The following IPO7 variants were observed in gnomAD, a reference collection of about 807,000 sequenced individuals.
IPO7 encodes the protein importin 7.
Under a neutral mutation model 136.4 loss-of-function variants are expected in IPO7, and 13 were observed. That is an observed-to-expected ratio of 0.10 (90% CI 0.06 to 0.15). The LOEUF is 0.15. IPO7 is among the 10% of genes least tolerant of loss of function. The probability of loss-of-function intolerance (pLI) is 1.00; values close to 1 mark genes in which losing one functional copy is unlikely to be tolerated. For synonymous variants in IPO7, 403 were observed against 404.4 expected, an observed-to-expected ratio of 1.00 and a Z score of 0.04; for missense variants, 857 against 1,240.6, an observed-to-expected ratio of 0.69 and a Z score of 4.65.
At chr11:9,427,321 C>T (rs1040752980) in intron 12 of IPO7, among the ~76,000 whole-genome samples, 1 of 151,986 alleles carries the variant, frequency 6.6e-6, no homozygotes, top group African/African-American at 2.4e-5. Context: ...AGTGCAGTGG[C>T]GTGATCTCTG....
rs1855052573 is a variant in IPO7 at position 9,417,125 on chromosome 11, G to C, written c.703G>C (p.Val235Leu). 1 of 1,529,966 alleles carries C rather than the reference G, an allele frequency of 6.5e-7. No individual in the cohort carries two copies. Among genetic ancestry groups the C allele is most frequent in the Non-Finnish European group, 9.0e-7 (1 of 1,105,542 alleles). 94.8% of individuals were successfully genotyped at this position (1,529,966 alleles called of 1,614,324 possible). A position where few individuals can be genotyped will look rare whatever the true frequency, so the allele number is the denominator to read the frequency against. ...AGAATGGATAGAAATTTTAAAGACTGTTGTGAACAGGGATGTACCTAATGT... is the reference window on the plus strand; with the variant it reads ...AGAATGGATAGAAATTTTAAAGACTCTTGTGAACAGGGATGTACCTAATGT... ...LTEWIEILKT[V>L]VNRDVPNETL... Residue 235 changes from valine to leucine, a missense_variant, in exon 6 of 25, where the codon GTT becomes CTT. Coordinates refer to ENST00000379719, the MANE Select transcript of IPO7 (RefSeq NM_006391.3).
chr11:9,440,240 A>G (rs990776244), intron 22 of IPO7, among the ~76,000 whole-genome samples: 1 of 152,208 alleles, frequency 6.6e-6, no homozygotes, highest in African/African-American at 2.4e-5. Flanking sequence ...GATGTCTAGT[A>G]TTAAGAACAC....
At chr11:9,428,974 A>G (rs756490116) in intron 13 of IPO7, 57 bp from the exon 14 acceptor site, 4 of 1,454,802 alleles carry the variant, frequency 2.7e-6, no homozygotes, top group Non-Finnish European at 3.9e-6. Flanking sequence ...AATAGAGATT[A>G]GCTTGGGGGA....
chr11:9,417,625 G>C (rs1400067291), intron 6 of IPO7, among the ~76,000 whole-genome samples: 2 of 151,574 alleles, frequency 1.3e-5, no homozygotes, highest in African/African-American at 4.8e-5. Context: ...GTAGTTTTTA[G>C]TACATTCAGA....
chr11:9,408,648 T>C lies in IPO7; in HGVS notation c.320+9T>C. ...TCTCCTGAGCTCATCAGGTATGTATTTTTAAAATTTACCCATTTCTGCAGG... is the reference window on the plus strand; with the variant it reads ...TCTCCTGAGCTCATCAGGTATGTATCTTTAAAATTTACCCATTTCTGCAGG... On this transcript the variant is annotated intron_variant, in intron 3 of 24. Transcript: ENST00000379719. The C allele has an allele frequency of 6.5e-7, 1 of 1,539,782 alleles. No homozygotes were observed. The highest frequency in any genetic ancestry group is 1.2e-5 in the South Asian group (1 of 80,098).
intron 1 of IPO7, among the ~76,000 whole-genome samples, chr11:9,394,035 A>G (rs1854675195): frequency 1.3e-5 from 2 of 151,958 alleles, no homozygotes; most frequent in African/African-American, 4.8e-5. Context: ...AGCGTGCGCC[A>G]CCACGCCCAG....
chr11:9,395,535 G>A (rs528747569), intron 1 of IPO7, among the ~76,000 whole-genome samples: 4 of 151,944 alleles, frequency 2.6e-5, no homozygotes, highest in South Asian at 2.1e-4. Flanking sequence ...CACCGCCCCC[G>A]GCCCTCACTT....
chr11:9,436,375 A>G lies in IPO7; in HGVS notation c.2268+9A>G, dbSNP rs368184956. ...GGCGTGGCATTGACCAGGTCAGTGA[A>G]GCTAATAATGATTTGTAGTTCAGAG... On this transcript the variant is annotated intron_variant, in intron 20 of 24. Coordinates refer to ENST00000379719, the MANE Select transcript of IPO7 (RefSeq NM_006391.3). 1.1e-5 allele frequency: 17 copies of G among 1,584,504 alleles called. No homozygotes were observed. In the African/African-American group the frequency reaches 2.2e-4, roughly 20 times the overall value.
At chr11:9,419,983 A>C (rs1855103903) in intron 6 of IPO7, among the ~76,000 whole-genome samples, 1 of 152,142 alleles carries the variant, frequency 6.6e-6, no homozygotes, top group Non-Finnish European at 1.5e-5. Context: ...TGCCTCTTTG[A>C]TTTAAATAGG....
At chr11:9,434,084 C>T (rs1052443235) in intron 18 of IPO7, among the ~76,000 whole-genome samples, 7 of 151,918 alleles carry the variant, frequency 4.6e-5, no homozygotes, top group Non-Finnish European at 5.9e-5. Flanking sequence ...CCACCATGCC[C>T]GGCTAATTTT....
At chr11:9,396,639 G>A (rs1442781900) in intron 1 of IPO7, among the ~76,000 whole-genome samples, 1 of 152,078 alleles carries the variant, frequency 6.6e-6, no homozygotes, top group Non-Finnish European at 1.5e-5. Flanking sequence ...GTAGATTTGT[G>A]TATTCCAGAC....
chr11:9,409,448 C>G (rs1272910778), intron 3 of IPO7, among the ~76,000 whole-genome samples: 2 of 151,998 alleles, frequency 1.3e-5, no homozygotes, highest in South Asian at 2.1e-4. Context: ...TTCACATTGA[C>G]GAAACCAAAA....
At position 9,384,780 on chromosome 11, in the gene IPO7, T is replaced by G. The variant is rs1258970099; in HGVS notation, c.17T>G (p.Ile6Ser). 6.2e-7 allele frequency: 1 copy of G among 1,606,048 alleles called. No homozygotes were observed. ...CGCGCTGCGATGGACCCCAACACCATTATCGAGGCCCTGCGGGGCACTATG... is the reference window on the plus strand; with the variant it reads ...CGCGCTGCGATGGACCCCAACACCAGTATCGAGGCCCTGCGGGGCACTATG... MDPNT[I>S]IEALRGTMDP... Residue 6 changes from isoleucine to serine, a missense_variant, in exon 1 of 25, where the codon ATT becomes AGT. Transcript: ENST00000379719.
intron 1 of IPO7, 66 bp downstream of exon 1, chr11:9,384,913 C>T: frequency 2.3e-6 from 3 of 1,305,810 alleles, no homozygotes; most frequent in Non-Finnish European, 2.1e-6. Flanking sequence ...GCCGAGCCCC[C>T]GGGGCCTGGC....
chr11:9,397,341 A>AAAAAAAAAAAAAAAAAAATATATAT lies in IPO7; in HGVS notation c.85-5948_85-5947insAAAAAAAAAAAAAAAAATATATATA. On this transcript the variant is annotated intron_variant, in intron 1 of 24. Coordinates refer to ENST00000379719, the MANE Select transcript of IPO7 (RefSeq NM_006391.3). Reference sequence around the variant, plus strand: ...CTTTACTAAAAATAATTTAAAAAAAAATATATATATATATATATATATATT... The same window carrying AAAAAAAAAAAAAAAAAAATATATAT: ...CTTTACTAAAAATAATTTAAAAAAAAAAAAAAAAAAAAAAAAAATATATATATATATATATATATATATATATATT... Among the ~76,000 whole-genome samples the AAAAAAAAAAAAAAAAAAATATATAT allele has an allele frequency of 3.3e-3, 36 of 10,756 alleles. 1 individual carries two copies. The highest frequency in any genetic ancestry group is 6.2e-3 in the Non-Finnish European group (34 of 5,460). The allele number at this position is 10,756 out of a possible 152,430, so 7.1% of individuals were successfully genotyped here. A position where few individuals can be genotyped will look rare whatever the true frequency, so the allele number is the denominator to read the frequency against.
intron 14 of IPO7, 125 bp downstream of exon 14, chr11:9,429,321 C>A: frequency 1.3e-6 from 1 of 790,034 alleles, no homozygotes; most frequent in East Asian, 2.6e-5. Context: ...TCAAGACCAG[C>A]CTGGGCAACA....
At chr11:9,429,982 A>G (rs1343397716) in intron 15 of IPO7, 148 bp downstream of exon 15, 4 of 575,684 alleles carry the variant, frequency 6.9e-6, no homozygotes, top group Non-Finnish European at 1.2e-5. Flanking sequence ...ATTTTTCCAC[A>G]GATGGTCCGG....
intron 12 of IPO7, 42 bp downstream of exon 12, chr11:9,425,304 G>C (rs1436699111): frequency 2.5e-6 from 3 of 1,176,948 alleles, no homozygotes; most frequent in South Asian, 2.4e-5. Context: ...TATGCAAGTA[G>C]TTTTAAAAAA....
Position 9,406,344 on chromosome 11 carries a change from A to T in IPO7, c.167-2142A>T, listed in dbSNP as rs558639824. Among the ~76,000 whole-genome samples, 10 of 151,934 alleles carry T rather than the reference A, an allele frequency of 6.6e-5. No individual in the cohort carries two copies. The East Asian group carries it at 1.9e-3, about 29-fold the overall frequency. On this transcript the variant is annotated intron_variant, in intron 2 of 24. Coordinates refer to ENST00000379719, the MANE Select transcript of IPO7 (RefSeq NM_006391.3). ...TATATTCAAGTCTCATTTATCTTTT[A>T]CTAGTGAAGCTCACATTTTCCCGTT... is the stretch of plus-strand genomic sequence containing the variant.
Sources: allele counts gnomAD v4.1 joint callset (sites outside exome capture counted in the v4.1 genomes callset), GRCh38; gene constraint gnomAD v4.1.1; transcripts MANE v1.5; gene names NCBI Gene and HGNC (gene_info 2026-07-23, HGNC 2026-07-21).